Variants in ATP2C2 observed in about 807,000 individuals in gnomAD.
ATP2C2 encodes calcium-transporting ATPase type 2C member 2.
ATP2C2 carries 171 observed loss-of-function variants against 110.8 expected under a neutral mutation model. The observed-to-expected ratio is 1.54, with a 90% CI of 1.36 to 1.75. The LOEUF is 1.75. Ranked by LOEUF, ATP2C2 falls within the 40% of genes most tolerant of loss-of-function variation. ATP2C2 has a pLI of 0.00. For missense variants in ATP2C2, 1,963 were observed against 1,235.0 expected, an observed-to-expected ratio of 1.59 and a Z score of -8.84; for synonymous variants, 804 against 508.4, an observed-to-expected ratio of 1.58 and a Z score of -7.82.
chr16:84,444,237 C>G (rs1049834281), intron 15 of ATP2C2, among the ~76,000 whole-genome samples: 1 of 150,366 alleles, frequency 6.7e-6, no homozygotes, highest in Admixed American at 6.6e-5. Context: ...CTTTGGGAGA[C>G]CGAGGCAGGT....
intron 11 of ATP2C2, among the ~76,000 whole-genome samples, chr16:84,429,164 G>C (rs1039870908): frequency 6.6e-6 from 1 of 151,676 alleles, no homozygotes; most frequent in Non-Finnish European, 1.5e-5. Context: ...TTGTTTGTTT[G>C]TTTTCAGACA....
At chr16:84,447,575 G>T (rs1278672596) in intron 16 of ATP2C2, among the ~76,000 whole-genome samples, 1 of 148,364 alleles carries the variant, frequency 6.7e-6, no homozygotes, top group Non-Finnish European at 1.5e-5. Flanking sequence ...TTCCCCCTAA[G>T]ATTTTCTTTT....
At chr16:84,384,746 A>G (rs1319576903) in intron 1 of ATP2C2, among the ~76,000 whole-genome samples, 4 of 152,102 alleles carry the variant, frequency 2.6e-5, no homozygotes, top group African/African-American at 9.7e-5. Context: ...CCCTTCTCAC[A>G]CTGCTATAAA....
At chr16:84,382,161 G>A (rs1230800340) in intron 1 of ATP2C2, among the ~76,000 whole-genome samples, 3 of 152,056 alleles carry the variant, frequency 2.0e-5, no homozygotes, top group Non-Finnish European at 4.4e-5. Context: ...ACAGGCCCCG[G>A]TGTGTGATGT....
Position 84,464,047 on chromosome 16 carries a change from G to A in ATP2C2, c.*315G>A. 8.9e-6 allele frequency: 2 copies of A among 224,798 alleles called. No individual in the cohort carries two copies. The highest frequency in any genetic ancestry group is 1.7e-5 in the Non-Finnish European group (2 of 114,394). The allele number at this position is 224,798 out of a possible 1,614,324, so 13.9% of individuals were successfully genotyped here. A position where few individuals can be genotyped will look rare whatever the true frequency, so the allele number is the denominator to read the frequency against. On this transcript the variant is annotated 3_prime_UTR_variant, in exon 27 of 27. Coordinates refer to ENST00000262429, the MANE Select transcript of ATP2C2 (RefSeq NM_014861.4). The stretch of plus-strand genomic sequence containing the variant: ...TGTGCCACAGCTTGCAGTGAGGCAG[G>A]CCACTCGTGGCAGATACAAGGGGCT...
rs775776345 is a variant in ATP2C2 at position 84,459,354 on chromosome 16, C to G, written c.2301C>G (p.Ile767Met). Reference protein sequence around the residue: ...SPLNAMQILWINIIMDGPPAQ... With the variant: ...SPLNAMQILWMNIIMDGPPAQ... ...TCAACGCCATGCAGATCCTATGGAT[C>G]AACATCATCATGGATGGGCCACCGG... The change falls in exon 23 of 27, where the codon ATC (isoleucine) becomes ATG (methionine). Residue 767 changes from isoleucine (I) to methionine (M), a missense_variant. By Grantham distance (10) the Ile-to-Met change is conservative. Transcript: ENST00000262429. 3.1e-6 allele frequency: 5 copies of G among 1,614,158 alleles called. No homozygotes were observed. Among genetic ancestry groups the G allele is most frequent in the East Asian group, 4.5e-5 (2 of 44,870 alleles).
At chr16:84,424,426 C>T (rs1301522290) in intron 10 of ATP2C2, among the ~76,000 whole-genome samples, 2 of 152,064 alleles carry the variant, frequency 1.3e-5, no homozygotes, top group African/African-American at 2.4e-5. Flanking sequence ...TACAGGCATG[C>T]ACCATCACGC....
chr16:84,419,208 T>TTAAAAAAA (rs1186522596), intron 7 of ATP2C2, among the ~76,000 whole-genome samples: 1 of 47,468 alleles, frequency 2.1e-5, no homozygotes, highest in African/African-American at 8.2e-5. Flanking sequence ...ACCCCATCTT[T>TTAAAAAAA]AAAAAAAAAA....
At position 84,452,158 on chromosome 16, in the gene ATP2C2, A is replaced by T. The variant is rs972813070; in HGVS notation, c.1831+67A>T. ...CCATCCTTTACGATGGGGGGCTGCT[A>T]CCAAAGGGAAGCCTCCGCAAACTCG... On this transcript the variant is annotated intron_variant, in intron 18 of 26. Coordinates refer to ENST00000262429, the MANE Select transcript of ATP2C2 (RefSeq NM_014861.4). 5.7e-6 allele frequency: 9 copies of T among 1,584,780 alleles called. No individual in the cohort carries two copies. In the African/African-American group the frequency reaches 8.1e-5, roughly 14 times the overall value.
chr16:84,437,168 C>T (rs908223547), intron 11 of ATP2C2, among the ~76,000 whole-genome samples: 3 of 152,134 alleles, frequency 2.0e-5, no homozygotes, highest in African/African-American at 4.8e-5. Context: ...TATACACAGC[C>T]GTCACCACAG....
At chr16:84,459,029 C>T (rs980228567) in intron 21 of ATP2C2, 91 bp from the exon 22 acceptor site, 61 of 1,375,190 alleles carry the variant, frequency 4.4e-5, no homozygotes, top group African/African-American at 4.0e-4. Flanking sequence ...TCAATCTGGG[C>T]GAGTCACCAC....
intron 2 of ATP2C2, among the ~76,000 whole-genome samples, chr16:84,400,715 C>A (rs1387606008): frequency 6.6e-6 from 1 of 152,172 alleles, no homozygotes; most frequent in Non-Finnish European, 1.5e-5. Flanking sequence ...GTTCCCTTTT[C>A]TTCATATCCA....
intron 1 of ATP2C2, among the ~76,000 whole-genome samples, chr16:84,396,892 T>C (rs1325685487): frequency 1.3e-5 from 2 of 151,914 alleles, no homozygotes; most frequent in Admixed American, 6.6e-5. Context: ...AGCAGCCGCA[T>C]GAAACCGAGG....
At chr16:84,375,302 G>A (rs913546475) in intron 1 of ATP2C2, among the ~76,000 whole-genome samples, 3 of 152,178 alleles carry the variant, frequency 2.0e-5, no homozygotes, top group African/African-American at 7.2e-5. Flanking sequence ...AGCACTTTGG[G>A]AGTCCCAGGT....
At chr16:84,453,006 C>G (rs1282980305) in intron 18 of ATP2C2, 132 bp from the exon 19 acceptor site, 1 of 862,092 alleles carries the variant, frequency 1.2e-6, no homozygotes, top group East Asian at 2.7e-5. Flanking sequence ...GGCCGTGCAG[C>G]ATGGTAGGTC....
At chr16:84,410,020 C>A (rs247817) in intron 4 of ATP2C2, among the ~76,000 whole-genome samples, 151,657 of 152,212 alleles carry the variant, frequency 1, 75,557 homozygotes, top group Middle Eastern at 1. Context: ...CATCCTGGCC[C>A]ACATGGTGAA....
At chr16:84,410,493 C>T (rs930872319) in intron 4 of ATP2C2, 75 bp from the exon 5 acceptor site, 1 of 1,482,516 alleles carries the variant, frequency 6.7e-7, no homozygotes, top group East Asian at 2.3e-5. Context: ...TAAAGACAAG[C>T]CCCTAGCCTG....
At chr16:84,455,215 A>G (rs532915085) in intron 21 of ATP2C2, among the ~76,000 whole-genome samples, 1 of 152,126 alleles carries the variant, frequency 6.6e-6, no homozygotes, top group Admixed American at 6.5e-5. Flanking sequence ...TGCTGCCCCC[A>G]GGGGAATGTT....
rs1172171988 is a variant in ATP2C2, at chr16:84,453,468, G to C, written c.1980+97G>C. ...ATGCGTCCGTCGGGTGACAGTGCAG[G>C]GCCCGACCGTGGCTTCCTTCTCTAG... is the stretch of plus-strand genomic sequence containing the variant. On this transcript the variant is annotated intron_variant, in intron 20 of 26. Transcript: ENST00000262429. 36 of 1,505,012 alleles carry C rather than the reference G, an allele frequency of 2.4e-5. No homozygotes were observed. In the Admixed American group the frequency reaches 6.0e-4, roughly 25 times the overall value. The allele number at this position is 1,505,012 out of a possible 1,614,324, so 93.2% of individuals were successfully genotyped here.
Sources: gnomAD v4.1 joint callset for allele counts (sites outside exome capture counted in the v4.1 genomes callset) on GRCh38, gnomAD v4.1.1 for gene constraint, MANE v1.5 for transcripts, NCBI Gene and HGNC (gene_info 2026-07-23, HGNC 2026-07-21) for gene names.